ADAMTSL1: variants seen among roughly 807,000 people sequenced by gnomAD.
ADAMTSL1 encodes the protein ADAMTS-like protein 1.
Under a neutral mutation model 201.8 loss-of-function variants are expected in ADAMTSL1, and 126 were observed. The ratio of observed to expected loss-of-function variants is 0.62; its 90% CI spans 0.54 to 0.72. The LOEUF (loss-of-function observed/expected upper bound fraction) is 0.72. ADAMTSL1 is among the 30% of genes least tolerant of loss of function. ADAMTSL1 has a pLI of 0.00. For synonymous variants in ADAMTSL1, 1,121 were observed against 903.4 expected (o/e 1.24, Z -4.32); for missense variants, 2,679 against 2,277.8 (o/e 1.18, Z -3.59).
chr9:18,440,401 A>C (rs1184060661), intron 2 of ADAMTSL1, among the ~76,000 whole-genome samples: 1 of 151,978 alleles, frequency 6.6e-6, no homozygotes, highest in Non-Finnish European at 1.5e-5. Context: ...ATAGGACTCT[A>C]TCTTAAAACG....
chr9:18,186,247 C>T (rs1369988141), intron 2 of ADAMTSL1, among the ~76,000 whole-genome samples: 1 of 152,100 alleles, frequency 6.6e-6, no homozygotes, highest in Non-Finnish European at 1.5e-5. Context: ...TCTTCTTGGT[C>T]TGTGAAACAG....
chr9:17,917,670 T>G (rs1563893673), intron 1 of ADAMTSL1, among the ~76,000 whole-genome samples: 1 of 151,968 alleles, frequency 6.6e-6, no homozygotes, highest in Non-Finnish European at 1.5e-5. Context: ...ATATCTTTGG[T>G]TTTGGTATTA....
At chr9:18,218,246 C>T (rs1830126801) in intron 2 of ADAMTSL1, among the ~76,000 whole-genome samples, 1 of 152,084 alleles carries the variant, frequency 6.6e-6, no homozygotes, top group Non-Finnish European at 1.5e-5. Context: ...ATAGAAAATG[C>T]AGCAAGAGGT....
intron 10 of ADAMTSL1, among the ~76,000 whole-genome samples, chr9:18,676,338 T>C (rs1165025696): frequency 6.6e-6 from 1 of 152,110 alleles, no homozygotes; most frequent in Non-Finnish European, 1.5e-5. Flanking sequence ...GTGATATTAT[T>C]CTGCATAGGG....
chr9:18,586,995 C>A (rs566806610), intron 4 of ADAMTSL1, among the ~76,000 whole-genome samples: 10 of 151,878 alleles, frequency 6.6e-5, no homozygotes, highest in African/African-American at 1.9e-4. Context: ...TAAAAAAAAA[C>A]TGTGGAAGAC....
chr9:18,298,383 T>G (rs1833557850), intron 2 of ADAMTSL1, among the ~76,000 whole-genome samples: 1 of 152,152 alleles, frequency 6.6e-6, no homozygotes, highest in Non-Finnish European at 1.5e-5. Context: ...ACAAAAAGTG[T>G]TCTTATCCAA....
chr9:18,376,765 C>T (rs1157869858), intron 2 of ADAMTSL1, among the ~76,000 whole-genome samples: 2 of 152,118 alleles, frequency 1.3e-5, no homozygotes, highest in Non-Finnish European at 2.9e-5. Context: ...AAGATCGCAT[C>T]ACTGCACTCC....
At chr9:17,997,597 C>A (rs369479037) in intron 1 of ADAMTSL1, among the ~76,000 whole-genome samples, 3 of 152,020 alleles carry the variant, frequency 2.0e-5, no homozygotes, top group South Asian at 2.1e-4. Context: ...CTCAGCAGGG[C>A]CCTCCACACA....
chr9:17,959,200 T>G (rs1051659716), intron 1 of ADAMTSL1, among the ~76,000 whole-genome samples: 4 of 152,216 alleles, frequency 2.6e-5, no homozygotes, highest in Admixed American at 2.6e-4. Context: ...AAGTTAAATT[T>G]GTGCCTAGAA....
intron 23 of ADAMTSL1, among the ~76,000 whole-genome samples, chr9:18,864,848 G>A (rs866233493): frequency 2.0e-5 from 3 of 152,170 alleles, no homozygotes; most frequent in African/African-American, 4.8e-5. Context: ...CATTGATTCT[G>A]TCATAGTTGG....
chr9:18,729,687 C>G (rs1048146115), intron 15 of ADAMTSL1, among the ~76,000 whole-genome samples: 6 of 152,142 alleles, frequency 3.9e-5, no homozygotes, highest in Non-Finnish European at 8.8e-5. Context: ...GTGGGAGATA[C>G]AGTAATGAAC....
At chr9:18,735,341 T>C (rs1818441584) in intron 15 of ADAMTSL1, among the ~76,000 whole-genome samples, 1 of 152,332 alleles carries the variant, frequency 6.6e-6, no homozygotes, top group East Asian at 1.9e-4. Flanking sequence ...CTAGGTGTTA[T>C]AGAAGTATAA....
rs188191291 is a variant in ADAMTSL1 at position 18,897,504 on chromosome 9, T to G, written c.4851+4908T>G. Among the ~76,000 whole-genome samples the G allele has an allele frequency of 3.2e-3, 488 of 152,246 alleles. 7 individuals are homozygous for G. The East Asian group carries it at 0.04, about 12-fold the overall frequency. On this transcript the variant is annotated intron_variant, in intron 26 of 28. Coordinates refer to ENST00000380548, the MANE Select transcript of ADAMTSL1 (RefSeq NM_001040272.6). ...CAGTACCCACCTGGGACAGAGCTCCTAGAGGAAGGGGCAGGCTGCCATCTT... is the reference window on the plus strand; with the variant it reads ...CAGTACCCACCTGGGACAGAGCTCCGAGAGGAAGGGGCAGGCTGCCATCTT...
intron 7 of ADAMTSL1, among the ~76,000 whole-genome samples, chr9:18,645,561 T>C (rs1054820488): frequency 6.6e-6 from 1 of 151,706 alleles, no homozygotes; most frequent in African/African-American, 2.4e-5. Context: ...GAATTAATTT[T>C]TGTATAAGGT....
intron 1 of ADAMTSL1, among the ~76,000 whole-genome samples, chr9:18,046,853 G>T (rs1323621396): frequency 6.6e-6 from 1 of 152,038 alleles, no homozygotes; most frequent in East Asian, 1.9e-4. Context: ...TAGCATCTTT[G>T]GAATTGTAGG....
chr9:18,649,947 C>T (rs1293966773), intron 7 of ADAMTSL1, among the ~76,000 whole-genome samples: 1 of 152,180 alleles, frequency 6.6e-6, no homozygotes, highest in Admixed American at 6.5e-5. Flanking sequence ...TTTAAGTCTG[C>T]AGACGTTACT....
chr9:18,870,835 T>C (rs1827838080), intron 23 of ADAMTSL1, among the ~76,000 whole-genome samples: 1 of 152,312 alleles, frequency 6.6e-6, no homozygotes, highest in South Asian at 2.1e-4. Flanking sequence ...ATGATTGCTA[T>C]CTGCAGGAAG....
intron 4 of ADAMTSL1, among the ~76,000 whole-genome samples, chr9:18,610,274 T>G (rs1423419357): frequency 2.6e-5 from 4 of 152,192 alleles, no homozygotes; most frequent in Non-Finnish European, 5.9e-5. Flanking sequence ...AATTTACTAT[T>G]TCATCCAAAT....
rs181016288 is a variant in ADAMTSL1, at chr9:18,795,304, C to T, written c.3678-93C>T. The T allele has an allele frequency of 1.0e-5, 16 of 1,524,938 alleles. No individual in the cohort carries two copies. The Admixed American group carries it at 1.7e-4, about 16-fold the overall frequency. 94.5% of individuals were successfully genotyped at this position (1,524,938 alleles called of 1,614,324 possible). Reference sequence around the variant, plus strand: ...TGTTGTTAAAACAGGGTTCTGCATACACCCTGAGGTTCCTTCCTGCCTTAC... The same window carrying T: ...TGTTGTTAAAACAGGGTTCTGCATATACCCTGAGGTTCCTTCCTGCCTTAC... On this transcript the variant is annotated intron_variant, in intron 19 of 28. Transcript: ENST00000380548.
Sources: allele counts gnomAD v4.1 joint callset (sites outside exome capture counted in the v4.1 genomes callset), GRCh38; gene constraint gnomAD v4.1.1; transcripts MANE v1.5; gene names NCBI Gene and HGNC (gene_info 2026-07-23, HGNC 2026-07-21).